Variants in FBXW4 observed in about 807,000 individuals in gnomAD.
The protein encoded by FBXW4 is F-box and WD repeat domain containing 4.
Under a neutral mutation model 61.8 loss-of-function variants are expected in FBXW4, and 40 were observed. That is an observed-to-expected ratio of 0.65 (90% CI 0.50 to 0.84). FBXW4 has a LOEUF of 0.84. Among genes scored for constraint, FBXW4 ranks in the 40% least tolerant of loss-of-function variants. The pLI, the probability that FBXW4 is intolerant of heterozygous loss-of-function variation, is 0.00. For missense variants in FBXW4, 672 were observed against 753.8 expected (o/e 0.89, Z 1.27); for synonymous variants, 311 against 313.8 (o/e 0.99, Z 0.10).
chr10:101,621,123 C>G (rs536716601), intron 6 of FBXW4, among the ~76,000 whole-genome samples: 1 of 152,160 alleles, frequency 6.6e-6, no homozygotes, highest in Non-Finnish European at 1.5e-5. Context: ...CATCAGAATG[C>G]CCATCTTTGT....
At chr10:101,641,039 C>T (rs1476966551) in intron 5 of FBXW4, among the ~76,000 whole-genome samples, 1 of 152,036 alleles carries the variant, frequency 6.6e-6, no homozygotes, top group Non-Finnish European at 1.5e-5. Flanking sequence ...CCATGTTGGC[C>T]AGGCTGGTGT....
intron 1 of FBXW4, among the ~76,000 whole-genome samples, chr10:101,681,822 A>G (rs984165377): frequency 6.6e-6 from 1 of 151,672 alleles, no homozygotes; most frequent in African/African-American, 2.4e-5. Flanking sequence ...AATATATCAC[A>G]TAATTGTTGA....
intron 2 of FBXW4, among the ~76,000 whole-genome samples, chr10:101,674,260 C>G (rs1341564412): frequency 6.7e-6 from 1 of 149,644 alleles, no homozygotes; most frequent in Non-Finnish European, 1.5e-5. Flanking sequence ...ACCTGGGAGG[C>G]GGAGGTTGCA....
chr10:101,689,114 T>C (rs2064562424), intron 1 of FBXW4, among the ~76,000 whole-genome samples: 1 of 138,350 alleles, frequency 7.2e-6, no homozygotes, highest in Admixed American at 7.9e-5. Context: ...AATCTTTACC[T>C]TAGATGAAGG....
At chr10:101,629,809 T>C (rs2063936905) in intron 5 of FBXW4, among the ~76,000 whole-genome samples, 3 of 151,566 alleles carry the variant, frequency 2.0e-5, no homozygotes, top group South Asian at 2.1e-4. Flanking sequence ...CTGACACATA[T>C]TGAAAACTCA....
At chr10:101,680,058 CATT>C (rs1468753710) in intron 1 of FBXW4, among the ~76,000 whole-genome samples, 2 of 149,924 alleles carry the variant, frequency 1.3e-5, no homozygotes, top group African/African-American at 2.5e-5. Flanking sequence ...GCACAAAAGT[CATT>C]ATTTCATTCC....
chr10:101,658,872 T>C (rs1353358429), intron 5 of FBXW4, among the ~76,000 whole-genome samples: 1 of 152,060 alleles, frequency 6.6e-6, no homozygotes, highest in Admixed American at 6.5e-5. Flanking sequence ...TTTTGACTGA[T>C]CTGAGTGTTA....
Position 101,611,061 on chromosome 10 carries a change from T to C in FBXW4, c.*230A>G. ...GCAAGGCCCGGGTTCAGCCGCACTC[T>C]AAAGCAGCAGGTCCTGCCTCTCCAA... is the stretch of plus-strand genomic sequence containing the variant. On this transcript the variant is annotated 3_prime_UTR_variant, in exon 9 of 9. Coordinates refer to ENST00000331272, the MANE Select transcript of FBXW4 (RefSeq NM_022039.4). The surrounding 1 kb of genome is among the most constrained non-coding windows in gnomAD (Gnocchi z 4.9). 1 of 496,234 alleles carries C rather than the reference T, an allele frequency of 2.0e-6. No homozygotes were observed. Among genetic ancestry groups the C allele is most frequent in the Non-Finnish European group, 3.5e-6 (1 of 282,074 alleles). The allele number at this position is 496,234 out of a possible 1,614,324, so 30.7% of individuals were successfully genotyped here. A position where few individuals can be genotyped will look rare whatever the true frequency, so the allele number is the denominator to read the frequency against.
intron 5 of FBXW4, among the ~76,000 whole-genome samples, chr10:101,642,038 C>T (rs1333787150): frequency 3.3e-5 from 5 of 152,040 alleles, no homozygotes; most frequent in Non-Finnish European, 5.9e-5. Flanking sequence ...TGGTGGCACA[C>T]GCCTGTGATC....
At chr10:101,633,884 G>A (rs1176403314) in intron 5 of FBXW4, among the ~76,000 whole-genome samples, 2 of 152,110 alleles carry the variant, frequency 1.3e-5, no homozygotes, top group Non-Finnish European at 2.9e-5. Flanking sequence ...GCTGAGGGGG[G>A]TGGATCACCC....
At chr10:101,616,885 A>G (rs2063829656) in intron 6 of FBXW4, among the ~76,000 whole-genome samples, 1 of 152,242 alleles carries the variant, frequency 6.6e-6, no homozygotes, top group South Asian at 2.1e-4. Context: ...TCACAGACAA[A>G]AAGTGACAAT....
chr10:101,674,543 T>C (rs2064389785), intron 2 of FBXW4, among the ~76,000 whole-genome samples: 1 of 151,934 alleles, frequency 6.6e-6, no homozygotes, highest in Non-Finnish European at 1.5e-5. Context: ...AGCTAAGGGG[T>C]CATTTATAAG....
At chr10:101,672,457 C>T (rs55891130) in intron 4 of FBXW4, among the ~76,000 whole-genome samples, 12 of 152,314 alleles carry the variant, frequency 7.9e-5, no homozygotes, top group African/African-American at 2.9e-4. Flanking sequence ...GCTTACTGAC[C>T]ACATCACTCT....
intron 6 of FBXW4, among the ~76,000 whole-genome samples, chr10:101,613,505 C>G (rs1423869579): frequency 2.0e-5 from 3 of 152,242 alleles, no homozygotes; most frequent in African/African-American, 7.2e-5. Flanking sequence ...ACAGGGATGT[C>G]CAGGTAAGAG....
chr10:101,633,139 T>C (rs76197608), intron 5 of FBXW4, among the ~76,000 whole-genome samples: 13,414 of 152,276 alleles, frequency 0.088, 684 homozygotes, highest in African/African-American at 0.13. Context: ...TACCTAGGCA[T>C]TGGCTTGTTA....
intron 4 of FBXW4, among the ~76,000 whole-genome samples, chr10:101,672,642 G>C (rs987398111): frequency 3.3e-5 from 5 of 152,152 alleles, no homozygotes; most frequent in African/African-American, 1.2e-4. Flanking sequence ...GGGAGGAAAG[G>C]CTGCCAGGTC....
In FBXW4 at chr10:101,611,184, A is replaced by T; in HGVS notation, c.*107T>A. The stretch of plus-strand genomic sequence containing the variant: ...GCCTGAGCACTGGGGTCACAGGCCC[A>T]GGAGCACAGTGGGGCAGTGAGGAGG... On this transcript the variant is annotated 3_prime_UTR_variant, in exon 9 of 9. Coordinates refer to ENST00000331272, the MANE Select transcript of FBXW4 (RefSeq NM_022039.4). This position sits in a 1 kb window ranked among gnomAD's most constrained non-coding sequence, Gnocchi z 4.9. The T allele has an allele frequency of 1.4e-6, 2 of 1,449,014 alleles. No homozygotes were observed. Among genetic ancestry groups the T allele is most frequent in the Non-Finnish European group, 1.9e-6 (2 of 1,069,634 alleles). The allele number at this position is 1,449,014 out of a possible 1,614,324, so 89.8% of individuals were successfully genotyped here.
At chr10:101,675,802 T>G (rs2064402516) in intron 2 of FBXW4, among the ~76,000 whole-genome samples, 1 of 152,202 alleles carries the variant, frequency 6.6e-6, no homozygotes, top group Non-Finnish European at 1.5e-5. Context: ...GCCACAGGCA[T>G]TTTCTAAATT....
At chr10:101,679,067 G>A (rs184628169) in intron 1 of FBXW4, among the ~76,000 whole-genome samples, 26 of 152,280 alleles carry the variant, frequency 1.7e-4, no homozygotes, top group African/African-American at 6.0e-4. Flanking sequence ...CTCTCTAGAG[G>A]CAACTATGTA....
Sources: gnomAD v4.1 joint callset for allele counts (sites outside exome capture counted in the v4.1 genomes callset) on GRCh38, gnomAD v4.1.1 for gene constraint, Gnocchi (gnomAD v3.1) non-coding constraint, MANE v1.5 for transcripts, NCBI Gene and HGNC (gene_info 2026-07-23, HGNC 2026-07-21) for gene names.